Variants in EML6 observed in about 807,000 individuals in gnomAD.
EML6 encodes the protein EMAP like 6, also known as echinoderm microtubule-associated protein-like 6.
In EML6, 154 loss-of-function variants were observed where a neutral mutation model predicts 240.1. The observed-to-expected ratio is 0.64, with a 90% CI of 0.56 to 0.73. The LOEUF is 0.73. Ranked by LOEUF, EML6 falls within the 30% of genes least tolerant of loss-of-function variation. The probability of loss-of-function intolerance (pLI) is 0.00; values close to 1 mark genes in which losing one functional copy is unlikely to be tolerated. For missense variants in EML6, 2,964 were observed against 2,474.6 expected, an observed-to-expected ratio of 1.20 and a Z score of -4.20; for synonymous variants, 1,148 against 899.0, an observed-to-expected ratio of 1.28 and a Z score of -4.95.
intron 2 of EML6, among the ~76,000 whole-genome samples, chr2:54,802,708 C>T (rs1431387597): frequency 6.6e-6 from 1 of 151,152 alleles, no homozygotes; most frequent in Non-Finnish European, 1.5e-5. Flanking sequence ...AATTTAGTTG[C>T]TCTGATAAAA....
chr2:54,896,136 C>G (rs920938132), intron 21 of EML6, among the ~76,000 whole-genome samples: 1 of 152,178 alleles, frequency 6.6e-6, no homozygotes, highest in Non-Finnish European at 1.5e-5. Flanking sequence ...AATCCTTTAC[C>G]TCCACCTCCA....
chr2:54,937,290 A>AG (rs1491558580), intron 28 of EML6, among the ~76,000 whole-genome samples: 11 of 150,358 alleles, frequency 7.3e-5, no homozygotes, highest in Non-Finnish European at 1.6e-4. Context: ...AAAAAAAAAA[A>AG]GAAGAAGTCT....
chr2:54,928,851 G>C, intron 28 of EML6, 100 bp downstream of exon 28: 2 of 1,394,200 alleles, frequency 1.4e-6, no homozygotes, highest in Non-Finnish European at 2.0e-6. Context: ...TGCTGTTTAA[G>C]TCAGTCTTTT....
intron 5 of EML6, among the ~76,000 whole-genome samples, chr2:54,825,855 C>T (rs749838025): frequency 7.9e-5 from 12 of 152,142 alleles, no homozygotes; most frequent in Non-Finnish European, 1.8e-4. Context: ...GGTTTTTCCT[C>T]TCCTACAGGT....
chr2:54,847,759 TCC>T lies in EML6; in HGVS notation c.1187+139_1187+140del, dbSNP rs769961141. 83 of 783,798 alleles carry T rather than the reference TCC, an allele frequency of 1.1e-4. 1 individual carries two copies. The East Asian group carries it at 3.2e-3, about 31-fold the overall frequency. The allele number at this position is 783,798 out of a possible 1,614,324, so 48.6% of individuals were successfully genotyped here. ...AAATAGGAATACTATAGATCTACGA[TCC>T]CCTATCTGTAATTCTGAAGTCCTAA... is the stretch of plus-strand genomic sequence containing the variant. On this transcript the variant is annotated intron_variant, in intron 9 of 41. Coordinates refer to ENST00000356458, the MANE Select transcript of EML6 (RefSeq NM_001039753.4).
chr2:54,742,725 C>CA (rs1558519456), intron 2 of EML6, among the ~76,000 whole-genome samples: 1 of 152,202 alleles, frequency 6.6e-6, no homozygotes, highest in African/African-American at 2.4e-5. Flanking sequence ...TTCCTCTAGA[C>CA]ACACTGGTAG....
intron 2 of EML6, among the ~76,000 whole-genome samples, chr2:54,805,338 G>C (rs1439601692): frequency 6.6e-6 from 1 of 152,142 alleles, no homozygotes; most frequent in Non-Finnish European, 1.5e-5. Context: ...GGAATTGCTA[G>C]ATCATAATGG....
intron 2 of EML6, 101 bp from the exon 3 acceptor site, chr2:54,813,131 A>T: frequency 1.2e-6 from 1 of 827,806 alleles, no homozygotes; most frequent in Non-Finnish European, 1.9e-6. Context: ...TTCTCTTGAG[A>T]TCACCTTGTT....
Position 54,959,116 on chromosome 2 carries a change from T to G in EML6, c.4708T>G (p.Phe1570Val), listed in dbSNP as rs1390547354. ...SVAFGANNLT[F>V]TGAINGDVYV... is the part of the protein sequence containing the mutation. ...GTTTTGTTTACAGAACAATCTCACT[T>G]TCACGGGTGCCATCAATGGAGATGT... The change falls in exon 34 of 42, where the codon TTC becomes GTC. Residue 1570 changes from phenylalanine (F) to valine (V), a missense_variant. By Grantham distance (50) the Phe-to-Val change is conservative. Coordinates refer to ENST00000356458, the MANE Select transcript of EML6 (RefSeq NM_001039753.4). 6.4e-7 allele frequency: 1 copy of G among 1,550,596 alleles called. No homozygotes were observed. The highest frequency in any genetic ancestry group is 8.7e-7 in the Non-Finnish European group (1 of 1,146,686).
chr2:54,942,053 T>G (rs1287521417), intron 28 of EML6, among the ~76,000 whole-genome samples: 1 of 152,246 alleles, frequency 6.6e-6, no homozygotes, highest in Non-Finnish European at 1.5e-5. Flanking sequence ...TATGATGCTA[T>G]TTTCATAAAT....
At chr2:54,869,146 T>G in intron 14 of EML6, 35 bp from the exon 15 acceptor site, 1 of 1,455,296 alleles carries the variant, frequency 6.9e-7, no homozygotes, top group Non-Finnish European at 9.4e-7. Context: ...TGCTGTTTGT[T>G]CAACCACTAT....
At chr2:54,735,461 C>A (rs1307548880) in intron 2 of EML6, among the ~76,000 whole-genome samples, 1 of 152,228 alleles carries the variant, frequency 6.6e-6, no homozygotes, top group Non-Finnish European at 1.5e-5. Flanking sequence ...ATATTATTCT[C>A]AGCTGGCATT....
At chr2:54,958,240 G>A (rs992770142) in intron 33 of EML6, among the ~76,000 whole-genome samples, 2 of 152,126 alleles carry the variant, frequency 1.3e-5, no homozygotes, top group African/African-American at 2.4e-5. Flanking sequence ...CACCTAGGCT[G>A]GAGTGCAGTG....
chr2:54,891,181 T>A lies in EML6; in HGVS notation c.2539+27T>A, dbSNP rs182524751. ...TACTGTCGTTTGGGTTTATCATTTA[T>A]GTGATTGAGAGCTTTACCCTAGCTG... On this transcript the variant is annotated intron_variant, in intron 18 of 41. Transcript: ENST00000356458. The A allele has an allele frequency of 2.2e-5, 26 of 1,178,432 alleles. No individual in the cohort carries two copies. In the Admixed American group the frequency reaches 3.9e-4, roughly 18 times the overall value. 73.0% of individuals were successfully genotyped at this position (1,178,432 alleles called of 1,614,324 possible).
chr2:54,924,496 C>T (rs1228647948), intron 26 of EML6, among the ~76,000 whole-genome samples: 3 of 152,156 alleles, frequency 2.0e-5, no homozygotes, highest in African/African-American at 7.2e-5. Flanking sequence ...GAAATAGGTT[C>T]ATGGCTTAAA....
chr2:54,777,318 C>A (rs1668646351), intron 2 of EML6, among the ~76,000 whole-genome samples: 1 of 152,168 alleles, frequency 6.6e-6, no homozygotes, highest in African/African-American at 2.4e-5. Context: ...TATAAGTAGT[C>A]CAGCTGCTCT....
chr2:54,826,004 A>G (rs964764731), intron 5 of EML6, among the ~76,000 whole-genome samples: 2 of 152,182 alleles, frequency 1.3e-5, no homozygotes, highest in Admixed American at 1.3e-4. Flanking sequence ...GTTTAATTCA[A>G]CTTAGTTCTC....
chr2:54,755,697 G>A, intron 2 of EML6, among the ~76,000 whole-genome samples: 1 of 152,064 alleles, frequency 6.6e-6, no homozygotes, highest in Non-Finnish European at 1.5e-5. Flanking sequence ...GTTTGGCTCT[G>A]TTACTCAGAC....
At chr2:54,875,254 G>A (rs1671446868) in intron 16 of EML6, among the ~76,000 whole-genome samples, 1 of 152,200 alleles carries the variant, frequency 6.6e-6, no homozygotes. Flanking sequence ...CCTGAAGTAT[G>A]AACAAGGGCA....
Sources: gnomAD v4.1 joint callset for allele counts (sites outside exome capture counted in the v4.1 genomes callset) on GRCh38, gnomAD v4.1.1 for gene constraint, MANE v1.5 for transcripts, NCBI Gene and HGNC (gene_info 2026-07-23, HGNC 2026-07-21) for gene names.